SHROOM3: variants seen among roughly 807,000 people sequenced by gnomAD.
SHROOM3 encodes shroom family member 3.
A neutral mutation model predicts 138.6 loss-of-function variants in SHROOM3; 47 were observed. The observed-to-expected ratio is 0.34, with a 90% CI of 0.27 to 0.43. The LOEUF (loss-of-function observed/expected upper bound fraction) is 0.43. Among genes scored for constraint, SHROOM3 ranks in the 20% least tolerant of loss-of-function variants. The pLI, the probability that SHROOM3 is intolerant of heterozygous loss-of-function variation, is 1.00. For synonymous variants in SHROOM3, 1,062 were observed against 1,063.3 expected, an observed-to-expected ratio of 1.00 and a Z score of 0.02; for missense variants, 2,491 against 2,596.5, an observed-to-expected ratio of 0.96 and a Z score of 0.88.
chr4:76,770,530 G>C, intron 9 of SHROOM3, 96 bp from the exon 10 acceptor site: 1 of 1,446,380 alleles, frequency 6.9e-7, no homozygotes. Context: ...ATTCAGCTGA[G>C]CCTTGAAGAT....
chr4:76,510,407 G>T (rs994697439), intron 1 of SHROOM3, among the ~76,000 whole-genome samples: 1 of 152,198 alleles, frequency 6.6e-6, no homozygotes, highest in Non-Finnish European at 1.5e-5. Flanking sequence ...TTCTCTCTCT[G>T]CCAGATGTAG....
At chr4:76,602,115 G>A (rs541766646) in intron 2 of SHROOM3, among the ~76,000 whole-genome samples, 1 of 152,316 alleles carries the variant, frequency 6.6e-6, no homozygotes, top group Admixed American at 6.5e-5. Flanking sequence ...CTTGCCAAGT[G>A]TGAAGCCATC....
chr4:76,639,306 A>G (rs1209014315), intron 2 of SHROOM3, among the ~76,000 whole-genome samples: 4 of 152,146 alleles, frequency 2.6e-5, no homozygotes. Flanking sequence ...CCTGAAATGA[A>G]TATTTCTCCA....
Position 76,560,785 on chromosome 4 carries a change from C to T in SHROOM3, c.323+5022C>T, listed in dbSNP as rs140517357. ...AAGTCAGAGAGGATACCTGAGATAGCGGTGTCCAGCACTACCAGATTTGAG... is the reference window on the plus strand; with the variant it reads ...AAGTCAGAGAGGATACCTGAGATAGTGGTGTCCAGCACTACCAGATTTGAG... On this transcript the variant is annotated intron_variant, in intron 2 of 10. Coordinates refer to ENST00000296043, the MANE Select transcript of SHROOM3 (RefSeq NM_020859.4). 3.2e-3 allele frequency among the ~76,000 whole-genome samples: 482 copies of T among 152,228 alleles called. 2 individuals carry two copies. The highest frequency in any genetic ancestry group is 0.011 in the African/African-American group (461 of 41,528).
chr4:76,581,333 GGCC>G (rs1734049656), intron 2 of SHROOM3, among the ~76,000 whole-genome samples: 1 of 152,180 alleles, frequency 6.6e-6, no homozygotes, highest in South Asian at 2.1e-4. Flanking sequence ...GATTACTTTA[GGCC>G]AGTAGAAAAG....
rs1393350967 is a variant in SHROOM3 at position 76,782,687 on chromosome 4, A to G, written c.*3510A>G. ...TTATTTTCCTTTTAGAACAACATGA[A>G]TTTTATTCACCTTACTATTAGAAAA... On this transcript the variant is annotated 3_prime_UTR_variant, in exon 11 of 11. Coordinates refer to ENST00000296043, the MANE Select transcript of SHROOM3 (RefSeq NM_020859.4). 1 of 152,158 alleles carries G rather than the reference A, an allele frequency of 6.6e-6. No homozygotes were observed. The highest frequency in any genetic ancestry group is 1.5e-5 in the Non-Finnish European group (1 of 68,012). The allele number at this position is 152,158 out of a possible 1,614,324, so 9.4% of individuals were successfully genotyped here.
Position 76,710,224 on chromosome 4 carries a change from C to T in SHROOM3, c.392C>T (p.Thr131Ile). 1 of 1,614,168 alleles carries T rather than the reference C, an allele frequency of 6.2e-7. No individual in the cohort carries two copies. The highest frequency in any genetic ancestry group is 8.5e-7 in the Non-Finnish European group (1 of 1,180,006). The change falls in exon 3 of 11, where the codon ACC becomes ATC. Residue 131 changes from threonine (T) to isoleucine (I), a missense_variant. Thr to Ile is a moderately conservative substitution (Grantham distance 89, BLOSUM62 -1). This residue lies in a region of SHROOM3 where 284 missense variants were observed against 322.8 expected (regional missense o/e 0.88). Coordinates refer to ENST00000296043, the MANE Select transcript of SHROOM3 (RefSeq NM_020859.4). ...AACTTCGTCAGCCCAGAACACCTCA[C>T]CTCTGGCCCCCAGCACAGGAAAGCA... The part of the protein sequence containing the change: ...ASNFVSPEHL[T>I]SGPQHRKAAW...
rs568021441 is a variant in SHROOM3 at position 76,458,844 on chromosome 4, A to T, written c.168+22624A>T. On this transcript the variant is annotated intron_variant, in intron 1 of 10. Transcript: ENST00000296043. ...ATTTATTGGAGACAAATTATAGAGG[A>T]ATAATGATATGTGAATTTTACCTAC... is the stretch of plus-strand genomic sequence containing the variant. Among the ~76,000 whole-genome samples, 7 of 152,346 alleles carry T rather than the reference A, an allele frequency of 4.6e-5. No individual in the cohort carries two copies. In the South Asian group the frequency reaches 1.5e-3, roughly 32 times the overall value.
chr4:76,657,183 CTCTCTCGCTCTCTCTCTCTCTA>C (rs1736082143), intron 2 of SHROOM3, among the ~76,000 whole-genome samples: 1 of 149,794 alleles, frequency 6.7e-6, no homozygotes, highest in African/African-American at 2.5e-5. Context: ...CTCTCTCTCT[CTCTCTCGCTCTCTCTCTCTCTA>C]TATATATATA....
At chr4:76,721,180 G>A (rs570300497) in intron 3 of SHROOM3, among the ~76,000 whole-genome samples, 7 of 150,778 alleles carry the variant, frequency 4.6e-5, no homozygotes, top group South Asian at 2.1e-4. Flanking sequence ...GCGTAGTGGC[G>A]GGCGCCTGTA....
intron 2 of SHROOM3, among the ~76,000 whole-genome samples, chr4:76,643,211 C>CAAA (rs34800196): frequency 1.6e-5 from 2 of 125,164 alleles, no homozygotes. Flanking sequence ...GATGCTGTCT[C>CAAA]AAAAAAAAAA....
At chr4:76,738,362 C>T (rs1398728784) in intron 4 of SHROOM3, among the ~76,000 whole-genome samples, 1 of 152,202 alleles carries the variant, frequency 6.6e-6, no homozygotes, top group Non-Finnish European at 1.5e-5. Context: ...TTTTTCCCCT[C>T]TTCCCACAAA....
rs1311684538 is a variant in SHROOM3 at position 76,780,627 on chromosome 4, A to AT, written c.*1451dup. ...ATGAAGTTTTATCTCCTATGTAAGA[A>AT]TATCAAAATTGTAGTTTGGGTCTCC... On this transcript the variant is annotated 3_prime_UTR_variant, in exon 11 of 11. Transcript: ENST00000296043. The AT allele has an allele frequency of 6.6e-6, 1 of 152,138 alleles. No individual in the cohort carries two copies. The highest frequency in any genetic ancestry group is 1.5e-5 in the Non-Finnish European group (1 of 68,020). 9.4% of individuals were successfully genotyped at this position (152,138 alleles called of 1,614,324 possible).
At chr4:76,511,435 T>G (rs1364236199) in intron 1 of SHROOM3, among the ~76,000 whole-genome samples, 2 of 152,198 alleles carry the variant, frequency 1.3e-5, no homozygotes, top group Non-Finnish European at 2.9e-5. Context: ...TTTATCGCTA[T>G]AATCGGAATT....
intron 3 of SHROOM3, among the ~76,000 whole-genome samples, chr4:76,726,846 G>T (rs1720718513): frequency 6.6e-6 from 1 of 152,194 alleles, no homozygotes; most frequent in Non-Finnish European, 1.5e-5. Context: ...TTGACAGGAA[G>T]ACATCTTTTT....
At chr4:76,545,760 C>A (rs181787882) in intron 1 of SHROOM3, among the ~76,000 whole-genome samples, 6 of 152,248 alleles carry the variant, frequency 3.9e-5, no homozygotes, top group African/African-American at 1.4e-4. Context: ...ATCCTTACAC[C>A]AACCCTATGT....
At chr4:76,777,327 A>G (rs1578041940) in intron 10 of SHROOM3, among the ~76,000 whole-genome samples, 4 of 152,212 alleles carry the variant, frequency 2.6e-5, no homozygotes, top group Non-Finnish European at 5.9e-5. Context: ...TTGATTAGGT[A>G]TATTCCTAAG....
At chr4:76,742,115 T>A in intron 5 of SHROOM3, 189 bp downstream of exon 5, 1 of 740,648 alleles carries the variant, frequency 1.4e-6, no homozygotes, top group Non-Finnish European at 2.4e-6. Flanking sequence ...CTTATAAAGA[T>A]ATAGGTATCT....
At chr4:76,497,852 C>T (rs1732001957) in intron 1 of SHROOM3, among the ~76,000 whole-genome samples, 3 of 151,810 alleles carry the variant, frequency 2.0e-5, no homozygotes, top group South Asian at 2.1e-4. Context: ...AGCAAGACTC[C>T]GTCTCAAAAA....
Sources: gnomAD v4.1 joint callset for allele counts (sites outside exome capture counted in the v4.1 genomes callset) on GRCh38, gnomAD v4.1.1 for gene constraint, gnomAD v4.1.1 regional missense constraint, MANE v1.5 for transcripts, NCBI Gene and HGNC (gene_info 2026-07-23, HGNC 2026-07-21) for gene names.